The following PHIP variants were observed in gnomAD, a reference collection of about 807,000 sequenced individuals.
The protein encoded by PHIP is PHIP subunit of CUL4-Ring ligase complex, also known as PH-interacting protein.
A neutral mutation model predicts 236.8 loss-of-function variants in PHIP; 54 were observed. The ratio of observed to expected loss-of-function variants is 0.23; its 90% CI spans 0.18 to 0.29. The LOEUF (loss-of-function observed/expected upper bound fraction) is 0.29, where lower values mean the gene tolerates loss of function less well. Ranked by LOEUF, PHIP falls within the 10% of genes least tolerant of loss-of-function variation. The pLI, the probability that PHIP is intolerant of heterozygous loss-of-function variation, is 1.00. For missense variants in PHIP, 1,370 were observed against 2,190.8 expected (o/e 0.63, Z 7.48); for synonymous variants, 756 against 718.9 (o/e 1.05, Z -0.83).
At chr6:78,955,347 T>G in intron 33 of PHIP, 65 bp from the exon 34 acceptor site, 1 of 1,125,984 alleles carries the variant, frequency 8.9e-7, no homozygotes, top group Non-Finnish European at 1.3e-6. Flanking sequence ...TATAGTTGAT[T>G]AACTAGCAAT....
intron 29 of PHIP, 70 bp from the exon 30 acceptor site, chr6:78,963,322 A>T: frequency 8.2e-7 from 1 of 1,214,360 alleles, no homozygotes; most frequent in Non-Finnish European, 1.2e-6. Context: ...TTTAGAATGT[A>T]AAAATAACAG....
chr6:79,052,113 T>C (rs1772823798), intron 6 of PHIP, among the ~76,000 whole-genome samples: 1 of 152,170 alleles, frequency 6.6e-6, no homozygotes, highest in Non-Finnish European at 1.5e-5. Flanking sequence ...TTAAGTGTTA[T>C]CAAATAGAAG....
chr6:78,985,016 T>G (rs551201983), intron 22 of PHIP, among the ~76,000 whole-genome samples: 1,912 of 152,226 alleles, frequency 0.013, 36 homozygotes, highest in African/African-American at 0.043. Flanking sequence ...CTATATAAGA[T>G]AGTTAACTCA....
intron 6 of PHIP, among the ~76,000 whole-genome samples, chr6:79,053,171 G>A (rs1486470395): frequency 3.9e-5 from 6 of 152,014 alleles, no homozygotes; most frequent in South Asian, 2.1e-4. Context: ...AAAATTAGCC[G>A]GGTGTGGTGG....
At chr6:79,076,924 G>A (rs1261110235) in intron 4 of PHIP, among the ~76,000 whole-genome samples, 1 of 152,238 alleles carries the variant, frequency 6.6e-6, no homozygotes, top group African/African-American at 2.4e-5. Flanking sequence ...AACGACAGAG[G>A]GGGAAAAAAT....
chr6:79,040,063 T>C (rs1040212583), intron 7 of PHIP, among the ~76,000 whole-genome samples: 4 of 152,184 alleles, frequency 2.6e-5, no homozygotes, highest in African/African-American at 9.6e-5. Context: ...AAATAAAAGA[T>C]AAAATTTACT....
intron 39 of PHIP, among the ~76,000 whole-genome samples, chr6:78,943,823 T>C (rs150968152): frequency 0.013 from 1,896 of 151,520 alleles, 18 homozygotes; most frequent in Non-Finnish European, 0.018. Flanking sequence ...CCTGTCTATA[T>C]CAAAAATACA....
chr6:79,050,232 T>C (rs1301024107), intron 6 of PHIP, among the ~76,000 whole-genome samples: 1 of 152,170 alleles, frequency 6.6e-6, no homozygotes, highest in Non-Finnish European at 1.5e-5. Flanking sequence ...TTACGACGTG[T>C]AGCAAATTTA....
At chr6:79,008,262 G>A (rs1427073189) in intron 15 of PHIP, among the ~76,000 whole-genome samples, 1 of 151,800 alleles carries the variant, frequency 6.6e-6, no homozygotes, top group East Asian at 1.9e-4. Flanking sequence ...TTGCATGGCT[G>A]TTTTAATCTT....
intron 35 of PHIP, among the ~76,000 whole-genome samples, chr6:78,949,483 C>T (rs1252679618): frequency 1.3e-5 from 2 of 152,040 alleles, no homozygotes; most frequent in African/African-American, 2.4e-5. Context: ...ATACCTGTGC[C>T]CCAGGGCCCA....
intron 35 of PHIP, among the ~76,000 whole-genome samples, chr6:78,949,077 A>G (rs1323055101): frequency 6.6e-6 from 1 of 152,132 alleles, no homozygotes; most frequent in East Asian, 1.9e-4. Context: ...TCTTAGGGGG[A>G]AAGCACTCAG....
intron 19 of PHIP, among the ~76,000 whole-genome samples, chr6:78,991,843 TTTG>T (rs1769267469): frequency 1.3e-5 from 2 of 150,662 alleles, no homozygotes. Context: ...ATTTAATTTT[TTTG>T]TTCTTAATTT....
In PHIP at chr6:78,960,450, C is replaced by CT. The variant is rs1208567579; in HGVS notation, c.3656+1239dup. Among the ~76,000 whole-genome samples, 1,576 of 137,412 alleles carry CT rather than the reference C, an allele frequency of 0.011. 9 individuals are homozygous for CT. The highest frequency in any genetic ancestry group is 0.019 in the African/African-American group (703 of 37,668). The allele number at this position is 137,412 out of a possible 152,430, so 90.1% of individuals were successfully genotyped here. A position where few individuals can be genotyped will look rare whatever the true frequency, so the allele number is the denominator to read the frequency against. Reference sequence around the variant, plus strand: ...GAAAGAGGAATATAGTTAGGAATTCCTTTTTTTTTTTTTTTTCTCTTAAAC... The same window carrying CT: ...GAAAGAGGAATATAGTTAGGAATTCCTTTTTTTTTTTTTTTTTCTCTTAAAC... On this transcript the variant is annotated intron_variant, in intron 31 of 39. Transcript: ENST00000275034.
chr6:78,977,587 G>GACCTTCCAGC lies in PHIP; in HGVS notation c.2889+1004_2889+1005insGCTGGAAGGT, dbSNP rs1582153974. ...TGATGGAATAGTGCTGAATAATGAA[G>GACCTTCCAGC]ACCTTCAAGCACCAGCAGCTAAAAA... is the stretch of plus-strand genomic sequence containing the variant. On this transcript the variant is annotated intron_variant, in intron 24 of 39. Transcript: ENST00000275034. 2.0e-5 allele frequency among the ~76,000 whole-genome samples: 3 copies of GACCTTCCAGC among 151,598 alleles called. No homozygotes were observed. In the East Asian group the frequency reaches 5.9e-4, roughly 30 times the overall value.
chr6:78,964,700 T>C (rs536957169), intron 29 of PHIP, among the ~76,000 whole-genome samples: 54 of 151,920 alleles, frequency 3.6e-4, no homozygotes, highest in African/African-American at 1.3e-3. Flanking sequence ...ACCATGTTGG[T>C]CAGGCTGCTC....
intron 35 of PHIP, among the ~76,000 whole-genome samples, chr6:78,951,419 CA>C (rs1774141563): frequency 6.6e-6 from 1 of 152,010 alleles, no homozygotes; most frequent in South Asian, 2.1e-4. Flanking sequence ...TGATTAAACT[CA>C]AAATGTGAAC....
intron 9 of PHIP, among the ~76,000 whole-genome samples, chr6:79,024,920 AG>A: frequency 6.6e-6 from 1 of 152,368 alleles, no homozygotes; most frequent in Middle Eastern, 3.4e-3. Flanking sequence ...ACTATGGGAA[AG>A]TCATTTAACC....
At chr6:78,972,323 T>A (rs1463859998) in intron 24 of PHIP, among the ~76,000 whole-genome samples, 1 of 152,164 alleles carries the variant, frequency 6.6e-6, no homozygotes, top group Non-Finnish European at 1.5e-5. Context: ...GGGTCCTGTC[T>A]GTTAGAAGGA....
intron 9 of PHIP, among the ~76,000 whole-genome samples, chr6:79,019,747 TAGC>T (rs1279107561): frequency 6.6e-6 from 1 of 152,100 alleles, no homozygotes; most frequent in Non-Finnish European, 1.5e-5. Flanking sequence ...TCATTCAAAA[TAGC>T]AGTCTACAGA....
Sources: gnomAD v4.1 joint callset for allele counts (sites outside exome capture counted in the v4.1 genomes callset) on GRCh38, gnomAD v4.1.1 for gene constraint, MANE v1.5 for transcripts, NCBI Gene and HGNC (gene_info 2026-07-23, HGNC 2026-07-21) for gene names.